PLCG2: variants seen among roughly 807,000 people sequenced by gnomAD.
PLCG2 encodes the protein phospholipase C gamma 2, also known as 1-phosphatidylinositol 4,5-bisphosphate phosphodiesterase gamma-2.
PLCG2 carries 69 observed loss-of-function variants against 175.6 expected under a neutral mutation model. The observed-to-expected ratio is 0.39, with a 90% CI of 0.32 to 0.48. PLCG2 has a LOEUF of 0.48. Among genes scored for constraint, PLCG2 ranks in the 20% least tolerant of loss-of-function variants. The pLI is 0.91. For missense variants in PLCG2, 1,798 were observed against 1,650.9 expected, an observed-to-expected ratio of 1.09 and a Z score of -1.54; for synonymous variants, 827 against 624.0, an observed-to-expected ratio of 1.33 and a Z score of -4.85.
intron 30 of PLCG2, among the ~76,000 whole-genome samples, chr16:81,942,698 A>G (rs1478185617): frequency 2.6e-5 from 4 of 152,164 alleles, no homozygotes; most frequent in Non-Finnish European, 5.9e-5. Flanking sequence ...TTTGAGGCCG[A>G]GAGACTATGA....
At chr16:81,943,379 G>C (rs1017536702) in intron 30 of PLCG2, among the ~76,000 whole-genome samples, 11 of 152,174 alleles carry the variant, frequency 7.2e-5, no homozygotes, top group African/African-American at 2.4e-4. Flanking sequence ...AAGAGAGCTA[G>C]TGAAGGGGGA....
intron 28 of PLCG2, chr16:81,938,376 G>A: frequency 5.0e-6 from 1 of 198,548 alleles, no homozygotes; most frequent in Non-Finnish European, 1.0e-5. Context: ...TTAAGGGCGG[G>A]CGGGTGGTAG....
In PLCG2 at chr16:81,912,585, C is replaced by T; in HGVS notation, c.1935-12C>T. On this transcript the variant is annotated splice_polypyrimidine_tract_variant and intron_variant, in intron 18 of 32. Coordinates refer to ENST00000564138, the MANE Select transcript of PLCG2 (RefSeq NM_002661.5). ...CGCTCACCTGGTCGTTTTCCCTGGC[C>T]CTGTGCCGCAGGTGGTACTATGACA... is the stretch of plus-strand genomic sequence containing the variant. The T allele has an allele frequency of 1.2e-6, 2 of 1,612,492 alleles. No homozygotes were observed. Among genetic ancestry groups the T allele is most frequent in the Non-Finnish European group, 8.5e-7 (1 of 1,179,702 alleles).
chr16:81,948,536 C>T, intron 31 of PLCG2, among the ~76,000 whole-genome samples: 1 of 152,146 alleles, frequency 6.6e-6, no homozygotes, highest in East Asian at 1.9e-4. Context: ...GGATGTTGTG[C>T]ACTAGATTAA....
intron 2 of PLCG2, among the ~76,000 whole-genome samples, chr16:81,819,633 G>C (rs1904707921): frequency 6.6e-6 from 1 of 152,206 alleles, no homozygotes; most frequent in Non-Finnish European, 1.5e-5. Context: ...CGCCCAGGCT[G>C]TAGTGCGGTG....
chr16:81,768,621 A>G (rs1320211857), intron 2 of PLCG2, among the ~76,000 whole-genome samples: 2 of 135,314 alleles, frequency 1.5e-5, no homozygotes, highest in Non-Finnish European at 3.0e-5. Context: ...GCTGGAGTGC[A>G]ATGGTGCGAT....
chr16:81,799,261 C>T (rs1257875556), intron 2 of PLCG2, among the ~76,000 whole-genome samples: 1 of 150,074 alleles, frequency 6.7e-6, no homozygotes, highest in African/African-American at 2.4e-5. Context: ...ATGGTGTTAA[C>T]ACCTGGTGTA....
intron 2 of PLCG2, among the ~76,000 whole-genome samples, chr16:81,828,235 ATTTTTT>A (rs67992648): frequency 2.0e-4 from 12 of 59,374 alleles, no homozygotes; most frequent in African/African-American, 2.7e-4. Flanking sequence ...GAGAAATGTC[ATTTTTT>A]TTTTTTTTTT....
chr16:81,858,933 G>C (rs1381899586), intron 4 of PLCG2, among the ~76,000 whole-genome samples, 183 bp from the exon 5 acceptor site: 1 of 152,132 alleles, frequency 6.6e-6, no homozygotes, highest in African/African-American at 2.4e-5. Context: ...TGAAATCTTG[G>C]CTTAGATAGG....
At chr16:81,933,706 C>T (rs1019154494) in intron 25 of PLCG2, among the ~76,000 whole-genome samples, 66 of 152,162 alleles carry the variant, frequency 4.3e-4, no homozygotes, top group African/African-American at 1.4e-3. Flanking sequence ...TAGCCTGTGA[C>T]GGCTAGAGCT....
intron 30 of PLCG2, among the ~76,000 whole-genome samples, chr16:81,941,060 A>C (rs569588401): frequency 6.6e-6 from 1 of 152,262 alleles, no homozygotes; most frequent in Non-Finnish European, 1.5e-5. Flanking sequence ...TACATAAAAA[A>C]ATACAGTCTT....
intron 2 of PLCG2, among the ~76,000 whole-genome samples, chr16:81,809,427 A>G (rs766756127): frequency 2.0e-5 from 3 of 152,060 alleles, no homozygotes; most frequent in African/African-American, 4.8e-5. Flanking sequence ...CTTCGGCTCT[A>G]TTTACTCACA....
intron 25 of PLCG2, among the ~76,000 whole-genome samples, chr16:81,932,139 T>G (rs1017324086): frequency 1.3e-5 from 2 of 152,120 alleles, no homozygotes; most frequent in African/African-American, 4.8e-5. Context: ...GGGAGTGACC[T>G]TTTCAGGGCT....
intron 19 of PLCG2, among the ~76,000 whole-genome samples, chr16:81,915,281 C>T (rs926759556): frequency 2.0e-5 from 3 of 152,146 alleles, no homozygotes; most frequent in Non-Finnish European, 4.4e-5. Flanking sequence ...AAGTGCCTCT[C>T]CTGTGCCAGG....
At chr16:81,765,017 G>A (rs1267199777) in intron 2 of PLCG2, among the ~76,000 whole-genome samples, 2 of 111,870 alleles carry the variant, frequency 1.8e-5, no homozygotes, top group Non-Finnish European at 4.3e-5. Context: ...TTAGCCTAGA[G>A]GTGAAGGCCG....
At chr16:81,864,289 C>T (rs935060844) in intron 5 of PLCG2, among the ~76,000 whole-genome samples, 2 of 152,144 alleles carry the variant, frequency 1.3e-5, no homozygotes, top group African/African-American at 2.4e-5. Flanking sequence ...TCTGGGGCTG[C>T]GCTGTCCAGC....
intron 2 of PLCG2, among the ~76,000 whole-genome samples, chr16:81,851,085 C>T (rs1232445313): frequency 1.3e-5 from 2 of 152,148 alleles, no homozygotes; most frequent in African/African-American, 4.8e-5. Flanking sequence ...TTTCTCTCAC[C>T]TTCATCCCTA....
intron 21 of PLCG2, among the ~76,000 whole-genome samples, chr16:81,922,427 T>G (rs1910097412): frequency 6.6e-6 from 1 of 152,264 alleles, no homozygotes; most frequent in Non-Finnish European, 1.5e-5. Flanking sequence ...CCTTAAGGCT[T>G]GGAATAATGC....
At position 81,919,528 on chromosome 16, in the gene PLCG2, G is replaced by A. The variant is rs566611968; in HGVS notation, c.2099G>A (p.Arg700Gln). 2.6e-5 allele frequency: 42 copies of A among 1,614,104 alleles called. No individual in the cohort carries two copies. In the Admixed American group the frequency reaches 3.8e-4, roughly 15 times the overall value. The change falls in exon 20 of 33, where the codon CGG (arginine) becomes CAG (glutamine). Residue 700 changes from arginine (R) to glutamine (Q), a missense_variant. Coordinates refer to ENST00000564138, the MANE Select transcript of PLCG2 (RefSeq NM_002661.5). ...CATTGTCGCATCAACCGGGACGGCCGGCACTTTGTGCTGGGGACCTCCGCC... is the reference window on the plus strand; with the variant it reads ...CATTGTCGCATCAACCGGGACGGCCAGCACTTTGTGCTGGGGACCTCCGCC... Reference protein sequence around the residue: ...VKHCRINRDGRHFVLGTSAYF... With the variant: ...VKHCRINRDGQHFVLGTSAYF...
Sources: gnomAD v4.1 joint callset for allele counts (sites outside exome capture counted in the v4.1 genomes callset) on GRCh38, gnomAD v4.1.1 for gene constraint, MANE v1.5 for transcripts, NCBI Gene and HGNC (gene_info 2026-07-23, HGNC 2026-07-21) for gene names.